Variants in SSH2 observed in about 807,000 individuals in gnomAD.
SSH2 encodes the protein protein phosphatase Slingshot homolog 2.
In SSH2, 37 loss-of-function variants were observed where a neutral mutation model predicts 135.2. The observed-to-expected ratio is 0.27, with a 90% confidence interval of 0.21 to 0.36. SSH2 has a LOEUF of 0.36. Ranked by LOEUF, SSH2 falls within the 10% of genes least tolerant of loss-of-function variation. SSH2 has a pLI of 1.00. For synonymous variants in SSH2, 628 were observed against 646.2 expected (o/e 0.97, Z 0.43); for missense variants, 1,408 against 1,765.3 (o/e 0.80, Z 3.63).
In SSH2 at chr17:29,703,013, G is replaced by A. The variant is rs957058871; in HGVS notation, c.238C>T (p.Arg80Trp). ...CTTGGTGTGGATGAGCCATTTCCCC[G>A]TGGTAGAAAAAGGGCAGCACCTTTG... ...TVKGAALFLP[R>W]GNGSSTPRIS... Residue 80 changes from arginine to tryptophan, a missense_variant, in exon 4 of 16, where the codon CGG becomes TGG. Arg to Trp is a moderately radical substitution (Grantham distance 101). Around this residue, in one of 3 missense-constraint regions of SSH2, gnomAD observed 222 missense variants for 355.6 expected, o/e 0.62. Transcript: ENST00000540801. The A allele has an allele frequency of 5.0e-6, 8 of 1,613,810 alleles. No individual in the cohort carries two copies. The highest frequency in any genetic ancestry group is 1.7e-5 in the Admixed American group (1 of 59,982).
intron 1 of SSH2, among the ~76,000 whole-genome samples, chr17:29,872,634 C>T (rs1004601047): frequency 6.6e-6 from 1 of 152,002 alleles, no homozygotes; most frequent in East Asian, 1.9e-4. Flanking sequence ...GAGGAGCTAG[C>T]GGTCTCGTAA....
chr17:29,655,730 G>C, intron 11 of SSH2, 123 bp from the exon 12 acceptor site: 1 of 783,320 alleles, frequency 1.3e-6, no homozygotes, highest in Non-Finnish European at 2.2e-6. Context: ...TGCCCTTTAA[G>C]TTGCCAGGCA....
At chr17:29,891,148 G>A (rs2066342833) in intron 1 of SSH2, among the ~76,000 whole-genome samples, 1 of 152,196 alleles carries the variant, frequency 6.6e-6, no homozygotes, top group Non-Finnish European at 1.5e-5. Flanking sequence ...GCTACAGTCA[G>A]TGTAAGGACC....
chr17:29,733,954 A>G (rs1292876798), intron 3 of SSH2, among the ~76,000 whole-genome samples: 5 of 134,818 alleles, frequency 3.7e-5, no homozygotes, highest in Non-Finnish European at 7.7e-5. Context: ...TCTGTCGCCC[A>G]GGCTAGAATG....
chr17:29,724,215 G>A (rs1361017236), intron 3 of SSH2, among the ~76,000 whole-genome samples: 6 of 152,154 alleles, frequency 3.9e-5, no homozygotes, highest in African/African-American at 1.4e-4. Flanking sequence ...ATCTAACTGA[G>A]GTTTTAAAAT....
chr17:29,840,829 T>C (rs549383112), intron 2 of SSH2, among the ~76,000 whole-genome samples: 2 of 152,314 alleles, frequency 1.3e-5, no homozygotes, highest in South Asian at 2.1e-4. Context: ...CTCCATGGGA[T>C]AGGTACTATT....
chr17:29,857,360 T>C (rs956516785), intron 1 of SSH2, among the ~76,000 whole-genome samples: 2 of 152,176 alleles, frequency 1.3e-5, no homozygotes, highest in Non-Finnish European at 2.9e-5. Flanking sequence ...AGGAGACTTA[T>C]TCACTATCAT....
At chr17:29,718,348 G>T (rs891660216) in intron 3 of SSH2, among the ~76,000 whole-genome samples, 2 of 152,092 alleles carry the variant, frequency 1.3e-5, no homozygotes, top group South Asian at 4.2e-4. Context: ...CACACTTATG[G>T]CTATCACCAT....
chr17:29,806,369 A>C (rs114375779), intron 2 of SSH2, among the ~76,000 whole-genome samples: 15 of 152,300 alleles, frequency 9.8e-5, no homozygotes, highest in African/African-American at 3.6e-4. Flanking sequence ...ATTCTGTCTG[A>C]AAAGGTCAAA....
chr17:29,887,514 C>G (rs2066261296), intron 1 of SSH2, among the ~76,000 whole-genome samples: 1 of 152,154 alleles, frequency 6.6e-6, no homozygotes, highest in African/African-American at 2.4e-5. Context: ...GTCGGATTGC[C>G]TGGATTCTAA....
Position 29,695,500 on chromosome 17 carries a change from C to T in SSH2, c.316G>A (p.Ala106Thr). The T allele has an allele frequency of 6.2e-7, 1 of 1,612,706 alleles. No homozygotes were observed. The highest frequency in any genetic ancestry group is 8.5e-7 in the Non-Finnish European group (1 of 1,179,406). Residue 106 changes from alanine to threonine, a missense_variant, in exon 5 of 16, where the codon GCA becomes ACA. Ala to Thr is a moderately conservative substitution (Grantham distance 58). This residue lies in a region of SSH2 where 222 missense variants were observed against 355.6 expected (regional missense o/e 0.62). Transcript: ENST00000540801. ...TCTGGGCGGAGTAAAATGAACATTG[C>T]TTGGAGATGCTGTTGGAGATCGCCT... ...HAGDLQQHLQ[A>T]MFILLRPEDN...
At chr17:29,740,685 A>C (rs1048542417) in intron 3 of SSH2, among the ~76,000 whole-genome samples, 1 of 152,236 alleles carries the variant, frequency 6.6e-6, no homozygotes, top group African/African-American at 2.4e-5. Context: ...AAATAAGGGC[A>C]GGAAATGCTA....
Position 29,632,486 on chromosome 17 carries a change from C to T in SSH2, c.2708G>A (p.Arg903His), listed in dbSNP as rs772720231. The T allele has an allele frequency of 1.3e-5, 21 of 1,614,098 alleles. No homozygotes were observed. Among genetic ancestry groups the T allele is most frequent in the Admixed American group, 6.7e-5 (4 of 60,002 alleles). Residue 903 changes from arginine to histidine, a missense_variant, in exon 16 of 16, where the codon CGC becomes CAC. Physicochemically the swap from Arg to His is conservative, Grantham distance 29 (BLOSUM62 0). Transcript: ENST00000540801. Reference protein sequence around the residue: ...VRRATLEFEERLRQEQEHHGA... With the variant: ...VRRATLEFEEHLRQEQEHHGA... ...ATGATGCTCTTGCTCCTGCCGTAAG[C>T]GCTCTTCGAACTCCAAGGTGGCTCG...
intron 3 of SSH2, among the ~76,000 whole-genome samples, chr17:29,719,932 A>AT (rs2039764511): frequency 6.6e-6 from 1 of 151,862 alleles, no homozygotes; most frequent in Non-Finnish European, 1.5e-5. Flanking sequence ...AATTTTTGTA[A>AT]TTTTTTAGTA....
chr17:29,772,698 A>C (rs1206626749), intron 3 of SSH2, among the ~76,000 whole-genome samples: 3 of 152,074 alleles, frequency 2.0e-5, no homozygotes, highest in Non-Finnish European at 4.4e-5. Flanking sequence ...GATAGAACAT[A>C]AAAGGAGAAA....
intron 3 of SSH2, among the ~76,000 whole-genome samples, chr17:29,729,070 T>C (rs1287960785): frequency 6.6e-6 from 1 of 152,104 alleles, no homozygotes; most frequent in African/African-American, 2.4e-5. Flanking sequence ...AAAAAGCCTC[T>C]GCACAGCAAA....
intron 4 of SSH2, among the ~76,000 whole-genome samples, chr17:29,696,353 T>TAC (rs891133439): frequency 2.0e-5 from 3 of 148,754 alleles, no homozygotes; most frequent in African/African-American, 7.4e-5. Context: ...TGTATATATA[T>TAC]ACTCTCATAA....
Position 29,631,576 on chromosome 17 carries a change from G to T in SSH2, c.3618C>A (p.Ser1206=), listed in dbSNP as rs376017007. ...AACTTAGGTCTGCGCTACTTAGCTG[G>T]GAGTCCTTATATGGCACCTCACTGC... ...SSGSEVPYKD[S]QLSSADLSLI... is the part of the protein sequence containing the mutation. Residue 1206 remains serine (S), a synonymous_variant, in exon 16 of 16, where the codon TCC becomes TCA. Transcript: ENST00000540801. 4.6e-5 allele frequency: 75 copies of T among 1,614,006 alleles called. No homozygotes were observed. Among genetic ancestry groups the T allele is most frequent in the Non-Finnish European group, 6.1e-5 (72 of 1,180,026 alleles).
chr17:29,700,641 T>G (rs2038936760), intron 4 of SSH2, among the ~76,000 whole-genome samples: 1 of 152,176 alleles, frequency 6.6e-6, no homozygotes, highest in Admixed American at 6.5e-5. Context: ...ATATGTGACA[T>G]AATGACTCAT....
Sources: allele counts gnomAD v4.1 joint callset (sites outside exome capture counted in the v4.1 genomes callset), GRCh38; gene constraint gnomAD v4.1.1; regional missense constraint gnomAD v4.1.1; transcripts MANE v1.5; gene names NCBI Gene and HGNC (gene_info 2026-07-23, HGNC 2026-07-21).